NTM: variants seen among roughly 807,000 people sequenced by gnomAD.
NTM encodes neurotrimin, also known as IgLON family member 2.
In NTM, 13 loss-of-function variants were observed where a neutral mutation model predicts 42.1. That is an observed-to-expected ratio of 0.31 (90% CI 0.20 to 0.49). The LOEUF (loss-of-function observed/expected upper bound fraction) is 0.49, where lower values mean the gene tolerates loss of function less well. Among genes scored for constraint, NTM ranks in the 20% least tolerant of loss-of-function variants. The probability of loss-of-function intolerance (pLI) is 0.99; values close to 1 mark genes in which losing one functional copy is unlikely to be tolerated. For synonymous variants in NTM, 187 were observed against 179.2 expected (o/e 1.04, Z -0.35); for missense variants, 373 against 452.8 (o/e 0.82, Z 1.60).
At chr11:131,418,122 C>T (rs913209430) in intron 1 of NTM, among the ~76,000 whole-genome samples, 2 of 152,216 alleles carry the variant, frequency 1.3e-5, no homozygotes, top group African/African-American at 4.8e-5. Flanking sequence ...GTCTTAGGTT[C>T]AGCTAGGAGG....
intron 2 of NTM, among the ~76,000 whole-genome samples, chr11:131,930,617 A>G (rs563464335): frequency 4.4e-4 from 67 of 152,300 alleles, no homozygotes; most frequent in Non-Finnish European, 7.5e-4. Context: ...ATTACCTGTG[A>G]AAGTTTCTGC....
chr11:131,850,250 C>T (rs80276776), intron 1 of NTM, among the ~76,000 whole-genome samples: 2,368 of 152,150 alleles, frequency 0.016, 31 homozygotes, highest in African/African-American at 0.037. Flanking sequence ...TAATAACAAA[C>T]GAGGATATTC....
chr11:132,123,040 C>A (rs1042250893), intron 2 of NTM, among the ~76,000 whole-genome samples: 1 of 152,158 alleles, frequency 6.6e-6, no homozygotes, highest in Non-Finnish European at 1.5e-5. Context: ...TCCTGGCACA[C>A]TTTTCCTATC....
At chr11:131,714,530 C>T (rs575270185) in intron 1 of NTM, among the ~76,000 whole-genome samples, 4 of 152,228 alleles carry the variant, frequency 2.6e-5, no homozygotes, top group East Asian at 1.9e-4. Flanking sequence ...CATTCCCTGG[C>T]GCTGGCTGAA....
At chr11:131,693,448 T>C (rs1221374794) in intron 1 of NTM, among the ~76,000 whole-genome samples, 1 of 152,142 alleles carries the variant, frequency 6.6e-6, no homozygotes, top group Non-Finnish European at 1.5e-5. Flanking sequence ...GCTCTTAAGA[T>C]TTTTATCATC....
chr11:131,645,289 G>A (rs78983858), intron 1 of NTM, among the ~76,000 whole-genome samples: 4,321 of 152,280 alleles, frequency 0.028, 226 homozygotes, highest in African/African-American at 0.098. Flanking sequence ...GCTTTGTGAG[G>A]CCTTCCCAGT....
At chr11:132,087,628 G>A (rs1042122888) in intron 2 of NTM, among the ~76,000 whole-genome samples, 2 of 152,184 alleles carry the variant, frequency 1.3e-5, no homozygotes, top group Non-Finnish European at 2.9e-5. Flanking sequence ...AAACAAGGAA[G>A]GGGAAAAGGG....
chr11:132,235,520 A>G (rs908584782), intron 4 of NTM, among the ~76,000 whole-genome samples: 2 of 152,162 alleles, frequency 1.3e-5, no homozygotes, highest in African/African-American at 2.4e-5. Flanking sequence ...ACAAAACTAT[A>G]AAAAGGAAGT....
rs144900765 is a variant in NTM, at chr11:132,185,663, GTGTC to G, written c.401-26356_401-26353del. ...ATCTCTCCATTAATAAAGAAAAAGAGTGTCTGGTCATTTCATAATAATTTTAATA... is the reference window on the plus strand; with the variant it reads ...ATCTCTCCATTAATAAAGAAAAAGAGTGGTCATTTCATAATAATTTTAATA... On this transcript the variant is annotated intron_variant, in intron 3 of 8. Coordinates refer to ENST00000683400, the MANE Select transcript of NTM (RefSeq NM_001352005.2). 3.1e-3 allele frequency among the ~76,000 whole-genome samples: 468 copies of G among 152,306 alleles called. 1 individual carries two copies. Among genetic ancestry groups the G allele is most frequent in the African/African-American group, 0.011 (448 of 41,546 alleles).
intron 4 of NTM, among the ~76,000 whole-genome samples, chr11:132,213,237 C>G (rs1189357636): frequency 6.6e-6 from 1 of 152,106 alleles, no homozygotes; most frequent in Admixed American, 6.5e-5. Flanking sequence ...CTTTTGGTCT[C>G]AACTCCCATG....
intron 1 of NTM, among the ~76,000 whole-genome samples, chr11:131,784,608 G>A (rs961409370): frequency 6.6e-6 from 1 of 152,142 alleles, no homozygotes; most frequent in East Asian, 1.9e-4. Context: ...TGGGGGTTAG[G>A]GGTTGCTGAA....
intron 1 of NTM, among the ~76,000 whole-genome samples, chr11:131,866,971 G>A (rs891795547): frequency 6.6e-6 from 1 of 152,162 alleles, no homozygotes; most frequent in Admixed American, 6.5e-5. Flanking sequence ...GACAGTGCGC[G>A]GCAGCCAAGA....
chr11:132,087,692 C>G (rs1310623848), intron 2 of NTM, among the ~76,000 whole-genome samples: 1 of 152,028 alleles, frequency 6.6e-6, no homozygotes, highest in African/African-American at 2.4e-5. Context: ...GAAAGAAAAA[C>G]CTCTCACATA....
At chr11:131,901,006 C>T (rs1313401395) in intron 1 of NTM, among the ~76,000 whole-genome samples, 1 of 152,210 alleles carries the variant, frequency 6.6e-6, no homozygotes. Context: ...AGCTTGGGAA[C>T]TGCTAGCCAT....
chr11:131,409,422 C>A (rs1273777891), intron 1 of NTM, among the ~76,000 whole-genome samples: 1 of 152,186 alleles, frequency 6.6e-6, no homozygotes, highest in Non-Finnish European at 1.5e-5. Flanking sequence ...CAGAGAGGTG[C>A]AGGAGTCCCA....
intron 1 of NTM, among the ~76,000 whole-genome samples, chr11:131,766,795 A>G (rs1368704056): frequency 1.3e-5 from 2 of 152,182 alleles, no homozygotes; most frequent in Non-Finnish European, 2.9e-5. Context: ...CTTTTCAATC[A>G]GATTCTCTTC....
chr11:132,127,355 TACTA>T (rs923168225), intron 2 of NTM, among the ~76,000 whole-genome samples: 30 of 152,306 alleles, frequency 2.0e-4, no homozygotes, highest in Middle Eastern at 3.4e-3. Context: ...TGGCAATAAA[TACTA>T]ACCCATCTCT....
intron 1 of NTM, among the ~76,000 whole-genome samples, chr11:131,869,088 A>AC (rs1359534274): frequency 6.9e-6 from 1 of 144,046 alleles, no homozygotes; most frequent in Non-Finnish European, 1.6e-5. Flanking sequence ...ACGTGCAATC[A>AC]CCCCCCAGCC....
chr11:132,244,801 A>C (rs1411684119), intron 4 of NTM, among the ~76,000 whole-genome samples: 1 of 152,164 alleles, frequency 6.6e-6, no homozygotes, highest in South Asian at 2.1e-4. Context: ...GGGAGCCCCC[A>C]GTTCCCCCAG....
Sources: gnomAD v4.1 joint callset for allele counts (sites outside exome capture counted in the v4.1 genomes callset) on GRCh38, gnomAD v4.1.1 for gene constraint, MANE v1.5 for transcripts, NCBI Gene and HGNC (gene_info 2026-07-23, HGNC 2026-07-21) for gene names.